TMEM236: variants seen among roughly 807,000 people sequenced by gnomAD.
TMEM236 encodes the protein family with sequence similarity 23, member A.
Under a neutral mutation model 14.7 loss-of-function variants are expected in TMEM236, and 11 were observed. That is an observed-to-expected ratio of 0.75 (90% CI 0.47 to 1.24). TMEM236 has a LOEUF of 1.24. TMEM236 is among the 50% of genes most tolerant of loss of function. The pLI, the probability that TMEM236 is intolerant of heterozygous loss-of-function variation, is 0.00. For missense variants in TMEM236, 464 were observed against 427.3 expected (o/e 1.09, Z -0.76); for synonymous variants, 182 against 168.6 (o/e 1.08, Z -0.62).
At chr10:17,754,480 A>G (rs1837254243) in intron 1 of TMEM236, among the ~76,000 whole-genome samples, 1 of 151,916 alleles carries the variant, frequency 6.6e-6, no homozygotes, top group Non-Finnish European at 1.5e-5. Flanking sequence ...GCACACCACC[A>G]CACCCGGCTA....
At position 17,796,650 on chromosome 10, in the gene TMEM236, A is replaced by G; in HGVS notation, c.*146A>G. 1.5e-6 allele frequency: 1 copy of G among 667,472 alleles called. No individual in the cohort carries two copies. Among genetic ancestry groups the G allele is most frequent in the Non-Finnish European group, 2.5e-6 (1 of 407,964 alleles). 41.3% of individuals were successfully genotyped at this position (667,472 alleles called of 1,614,324 possible). Reference sequence around the variant, plus strand: ...AAGCCATTTTTACTAACTCTAGCATATCAGTTTTTTTTTTTACATATACAA... The same window carrying G: ...AAGCCATTTTTACTAACTCTAGCATGTCAGTTTTTTTTTTTACATATACAA... On this transcript the variant is annotated 3_prime_UTR_variant, in exon 4 of 4. Transcript: ENST00000377495.
chr10:17,779,108 C>T (rs1318769740), intron 3 of TMEM236, among the ~76,000 whole-genome samples: 1 of 152,156 alleles, frequency 6.6e-6, no homozygotes, highest in Non-Finnish European at 1.5e-5. Context: ...AAAGGATAGC[C>T]TGTGGGTACA....
chr10:17,764,635 C>T (rs1433636506), intron 1 of TMEM236, among the ~76,000 whole-genome samples: 6 of 152,054 alleles, frequency 3.9e-5, no homozygotes, highest in East Asian at 1.9e-4. Flanking sequence ...ATCAAGCTGA[C>T]GGCAAGGTTG....
chr10:17,752,916 G>A (rs977651047), intron 1 of TMEM236, among the ~76,000 whole-genome samples: 2 of 151,806 alleles, frequency 1.3e-5, no homozygotes, highest in Middle Eastern at 3.4e-3. Context: ...TCAAAGATAC[G>A]TTTGTTTGTT....
At chr10:17,786,395 G>A (rs1230989885) in intron 3 of TMEM236, among the ~76,000 whole-genome samples, 1 of 152,282 alleles carries the variant, frequency 6.6e-6, no homozygotes, top group African/African-American at 2.4e-5. Flanking sequence ...GTCTCATTCT[G>A]TTGTCCATGC....
chr10:17,764,874 C>T (rs1192287607), intron 1 of TMEM236, among the ~76,000 whole-genome samples: 1 of 133,312 alleles, frequency 7.5e-6, no homozygotes, highest in African/African-American at 2.8e-5. Context: ...ATTCTGTCTC[C>T]CAGGCTGGAG....
chr10:17,785,852 G>A (rs1213236319), intron 3 of TMEM236, among the ~76,000 whole-genome samples: 1 of 152,026 alleles, frequency 6.6e-6, no homozygotes, highest in Non-Finnish European at 1.5e-5. Context: ...AGAAGTAAGT[G>A]GGCATCTACT....
chr10:17,753,500 T>A (rs1477153724), intron 1 of TMEM236, among the ~76,000 whole-genome samples: 1 of 152,182 alleles, frequency 6.6e-6, no homozygotes, highest in Non-Finnish European at 1.5e-5. Context: ...CATGTGGGAT[T>A]TGGTTTTCTG....
intron 1 of TMEM236, among the ~76,000 whole-genome samples, chr10:17,764,577 GT>G (rs1306108666): frequency 2.0e-5 from 3 of 152,126 alleles, no homozygotes; most frequent in Non-Finnish European, 2.9e-5. Context: ...ACAGAAATTT[GT>G]TTCAAATTCT....
chr10:17,796,370 T>C lies in TMEM236; in HGVS notation c.922T>C (p.Leu308=). The C allele has an allele frequency of 1.2e-6, 2 of 1,613,952 alleles. No individual in the cohort carries two copies. The highest frequency in any genetic ancestry group is 4.5e-5 in the East Asian group (2 of 44,882). ...ACCATTCGTTTTTGTTAGACTTGGT[T>C]TAATCATTGCCCTGGGGACTATCAC... is the stretch of plus-strand genomic sequence containing the variant. ...DLPFVFVRLG[L]IIALGTITPV... Residue 308 remains leucine, a synonymous_variant, in exon 4 of 4, where the codon TTA becomes CTA. Transcript: ENST00000377495.
chr10:17,782,758 T>C (rs1837774068), intron 3 of TMEM236, among the ~76,000 whole-genome samples: 1 of 152,122 alleles, frequency 6.6e-6, no homozygotes, highest in East Asian at 1.9e-4. Flanking sequence ...GCCTCATTAT[T>C]ACATCTTCTA....
In TMEM236 at chr10:17,800,710, G is replaced by A. The variant is rs1015225393; in HGVS notation, c.*4206G>A. On this transcript the variant is annotated 3_prime_UTR_variant, in exon 4 of 4. Coordinates refer to ENST00000377495, the MANE Select transcript of TMEM236 (RefSeq NM_001098844.3). ...ATATCAATAGTTGTTCACAAAAAGA[G>A]CAATATACCACTTAGAAGCTACAAA... is the stretch of plus-strand genomic sequence containing the variant. 2 of 152,034 alleles carry A rather than the reference G, an allele frequency of 1.3e-5. No individual in the cohort carries two copies. Among genetic ancestry groups the A allele is most frequent in the Admixed American group, 6.6e-5 (1 of 15,264 alleles). The allele number at this position is 152,034 out of a possible 1,614,324, so 9.4% of individuals were successfully genotyped here.
chr10:17,753,644 A>C (rs1247670515), intron 1 of TMEM236, among the ~76,000 whole-genome samples: 1 of 152,142 alleles, frequency 6.6e-6, no homozygotes, highest in African/African-American at 2.4e-5. Context: ...TATCCATTCT[A>C]TCACTGATGG....
intron 3 of TMEM236, among the ~76,000 whole-genome samples, chr10:17,778,442 C>T (rs982310702): frequency 3.9e-4 from 59 of 152,248 alleles, no homozygotes; most frequent in African/African-American, 1.3e-3. Context: ...TTACTTGGAA[C>T]ATGAATTAAT....
At chr10:17,766,991 A>T (rs888923139) in intron 1 of TMEM236, among the ~76,000 whole-genome samples, 2 of 152,048 alleles carry the variant, frequency 1.3e-5, no homozygotes, top group Admixed American at 6.6e-5. Context: ...AAATTTCCCC[A>T]ATTTTATAAA....
intron 3 of TMEM236, among the ~76,000 whole-genome samples, chr10:17,789,539 G>A (rs1837889013): frequency 6.6e-6 from 1 of 152,128 alleles, no homozygotes; most frequent in East Asian, 1.9e-4. Flanking sequence ...ATCATTTATT[G>A]CTTGGCAATA....
intron 2 of TMEM236, among the ~76,000 whole-genome samples, chr10:17,771,788 T>C (rs1837577221): frequency 6.6e-6 from 1 of 152,246 alleles, no homozygotes; most frequent in Non-Finnish European, 1.5e-5. Context: ...CCATTGATAA[T>C]AATTTGCATG....
intron 2 of TMEM236, among the ~76,000 whole-genome samples, chr10:17,772,816 C>CT (rs1259158962): frequency 6.6e-6 from 1 of 152,084 alleles, no homozygotes; most frequent in African/African-American, 2.4e-5. Flanking sequence ...CTTGCTCACT[C>CT]TTTTTTTATG....
rs980865105 is a variant in TMEM236, at chr10:17,796,944, C to T, written c.*440C>T. The T allele has an allele frequency of 2.7e-5, 5 of 187,274 alleles. No individual in the cohort carries two copies. Among genetic ancestry groups the T allele is most frequent in the Non-Finnish European group, 5.6e-5 (5 of 89,546 alleles). 11.6% of individuals were successfully genotyped at this position (187,274 alleles called of 1,614,324 possible). ...GGAGCCCAAACCCTATTGTGAACTG[C>T]GTATGCAAGGGATCTAGCTTTCGCT... On this transcript the variant is annotated 3_prime_UTR_variant, in exon 4 of 4. Coordinates refer to ENST00000377495, the MANE Select transcript of TMEM236 (RefSeq NM_001098844.3).
Sources: allele counts gnomAD v4.1 joint callset (sites outside exome capture counted in the v4.1 genomes callset), GRCh38; gene constraint gnomAD v4.1.1; transcripts MANE v1.5; gene names NCBI Gene and HGNC (gene_info 2026-07-23, HGNC 2026-07-21).